RGS8: variants seen among roughly 807,000 people sequenced by gnomAD.
The protein encoded by RGS8 is regulator of G protein signaling 8, also known as regulator of G-protein signaling 8.
RGS8 carries 8 observed loss-of-function variants against 21.7 expected under a neutral mutation model. That is an observed-to-expected ratio of 0.37 (90% CI 0.22 to 0.66). RGS8 has a LOEUF of 0.66. RGS8 is among the 30% of genes least tolerant of loss of function. RGS8 has a pLI of 0.59. For missense variants in RGS8, 157 were observed against 217.9 expected, an observed-to-expected ratio of 0.72 and a Z score of 1.76; for synonymous variants, 80 against 83.6, an observed-to-expected ratio of 0.96 and a Z score of 0.24.
At chr1:182,647,638 T>C (rs1663829) in intron 6 of RGS8, among the ~76,000 whole-genome samples, 3,837 of 152,334 alleles carry the variant, frequency 0.025, 171 homozygotes, top group African/African-American at 0.088. Context: ...AATTACTCAT[T>C]AATGAGCAGT....
Position 182,646,656 on chromosome 1 carries a change from T to C in RGS8, c.*79A>G, listed in dbSNP as rs1047627536. On this transcript the variant is annotated 3_prime_UTR_variant, in exon 7 of 7. Transcript: ENST00000483095. ...CAATGCCACCGCTTTTGAACACCTATGACATTTCACATTAGAATATGATCT... is the reference window on the plus strand; with the variant it reads ...CAATGCCACCGCTTTTGAACACCTACGACATTTCACATTAGAATATGATCT... 5.1e-5 allele frequency: 69 copies of C among 1,355,714 alleles called. No homozygotes were observed. The African/African-American group carries it at 9.9e-4, about 19-fold the overall frequency. 84.0% of individuals were successfully genotyped at this position (1,355,714 alleles called of 1,614,324 possible).
intron 1 of RGS8, among the ~76,000 whole-genome samples, chr1:182,679,304 C>T (rs935875397): frequency 2.6e-5 from 4 of 152,130 alleles, no homozygotes; most frequent in Admixed American, 6.5e-5. Context: ...GAAACACAGC[C>T]TCCATACTGT....
intron 5 of RGS8, among the ~76,000 whole-genome samples, chr1:182,661,158 A>C (rs1402634250): frequency 6.6e-6 from 1 of 151,552 alleles, no homozygotes; most frequent in African/African-American, 2.4e-5. Flanking sequence ...TATCTCAACC[A>C]TTATCTCAAA....
intron 5 of RGS8, among the ~76,000 whole-genome samples, chr1:182,663,320 G>A (rs587306): frequency 0.084 from 12,806 of 152,176 alleles, 1,384 homozygotes; most frequent in African/African-American, 0.25. Context: ...AGGGGAGTAC[G>A]TGTTCAAATT....
At chr1:182,659,481 A>C (rs181798656) in intron 5 of RGS8, among the ~76,000 whole-genome samples, 41 of 152,316 alleles carry the variant, frequency 2.7e-4, no homozygotes, top group African/African-American at 9.6e-4. Context: ...CGGGCAGATC[A>C]CGAGGTCAGG....
intron 3 of RGS8, among the ~76,000 whole-genome samples, chr1:182,669,134 T>C (rs754300577): frequency 6.6e-6 from 1 of 152,236 alleles, no homozygotes; most frequent in Non-Finnish European, 1.5e-5. Context: ...AAAATATTCT[T>C]TGGGACAAAA....
chr1:182,694,088 T>C, the RGS8 span, among the ~76,000 whole-genome samples: 1 of 151,688 alleles, frequency 6.6e-6, no homozygotes. Context: ...AGTTTACCTA[T>C]ATAATAAACC....
the RGS8 span, among the ~76,000 whole-genome samples, chr1:182,696,655 T>A: frequency 2.6e-4 from 39 of 152,332 alleles, no homozygotes; most frequent in African/African-American, 8.4e-4. Flanking sequence ...AAGCCTCTGT[T>A]TAACTTTAAA....
chr1:182,751,239 G>C, the RGS8 span, among the ~76,000 whole-genome samples: 1 of 152,148 alleles, frequency 6.6e-6, no homozygotes, highest in African/African-American at 2.4e-5. Context: ...TGTTTAGAAG[G>C]CTTTGAGCCA....
upstream of RGS8, chr1:182,672,890 G>A: frequency 2.5e-6 from 4 of 1,605,220 alleles, no homozygotes; most frequent in Non-Finnish European, 3.4e-6. Context: ...CTAGTGTAGT[G>A]GTTCTCCAAG....
chr1:182,721,018 C>T, the RGS8 span, among the ~76,000 whole-genome samples: 17 of 79,814 alleles, frequency 2.1e-4, 2 homozygotes, highest in East Asian at 4.0e-4. Flanking sequence ...CATATATACA[C>T]ATATATATGT....
chr1:182,740,870 GGTAAGGTCACCT>G, the RGS8 span, among the ~76,000 whole-genome samples: 2 of 152,004 alleles, frequency 1.3e-5, no homozygotes, highest in Admixed American at 1.3e-4. Flanking sequence ...CAGGGTTGGG[GGTAAGGTCACCT>G]ATCAACAGGA....
the RGS8 span, among the ~76,000 whole-genome samples, chr1:182,721,485 T>C: frequency 6.6e-6 from 1 of 152,190 alleles, no homozygotes; most frequent in Non-Finnish European, 1.5e-5. Flanking sequence ...GTGACAGAAA[T>C]GGCCACTGGC....
At chr1:182,701,466 T>C in the RGS8 span, among the ~76,000 whole-genome samples, 1 of 152,224 alleles carries the variant, frequency 6.6e-6, no homozygotes, top group Non-Finnish European at 1.5e-5. Context: ...GTCATATCCA[T>C]GTCCAGCTTT....
chr1:182,654,187 G>T (rs754571876), intron 5 of RGS8, among the ~76,000 whole-genome samples: 5 of 152,176 alleles, frequency 3.3e-5, no homozygotes, highest in Non-Finnish European at 7.3e-5. Context: ...AAGATTCCTA[G>T]CCAGGTCCAT....
the RGS8 span, among the ~76,000 whole-genome samples, chr1:182,747,043 C>CTTTTTT: frequency 6.7e-4 from 14 of 21,050 alleles, 3 homozygotes; most frequent in Non-Finnish European, 1.0e-3. Context: ...CACTGCTGGT[C>CTTTTTT]TTTTTTTTTT....
chr1:182,737,661 T>C, the RGS8 span, among the ~76,000 whole-genome samples: 1 of 152,194 alleles, frequency 6.6e-6, no homozygotes, highest in African/African-American at 2.4e-5. Flanking sequence ...ATCAAATCTC[T>C]CTTTTATTTA....
intron 2 of RGS8, among the ~76,000 whole-genome samples, 184 bp downstream of exon 3, chr1:182,671,473 C>T (rs1415541361): frequency 6.6e-6 from 1 of 151,804 alleles, no homozygotes; most frequent in East Asian, 1.9e-4. Context: ...ACAGGATACT[C>T]AAAGAAAAAA....
the RGS8 span, among the ~76,000 whole-genome samples, chr1:182,744,507 G>A: frequency 5.9e-5 from 9 of 152,280 alleles, no homozygotes; most frequent in East Asian, 1.4e-3. Context: ...TAAGATGGTG[G>A]TCCCATAAGT....
Sources: allele counts gnomAD v4.1 joint callset (sites outside exome capture counted in the v4.1 genomes callset), GRCh38; gene constraint gnomAD v4.1.1; transcripts MANE v1.5; gene names NCBI Gene and HGNC (gene_info 2026-07-23, HGNC 2026-07-21).